Variants in MAGI1 observed in about 807,000 individuals in gnomAD.
MAGI1 encodes the protein membrane-associated guanylate kinase, WW and PDZ domain-containing protein 1.
Under a neutral mutation model 139.9 loss-of-function variants are expected in MAGI1, and 58 were observed. That is an observed-to-expected ratio of 0.41 (90% CI 0.34 to 0.52). The LOEUF is 0.52. Among genes scored for constraint, MAGI1 ranks in the 20% least tolerant of loss-of-function variants. MAGI1 has a pLI of 0.12. For missense variants in MAGI1, 1,874 were observed against 1,901.6 expected, an observed-to-expected ratio of 0.99 and a Z score of 0.27; for synonymous variants, 812 against 737.9, an observed-to-expected ratio of 1.10 and a Z score of -1.63.
chr3:65,526,360 TTTA>T (rs1293832028), intron 2 of MAGI1, among the ~76,000 whole-genome samples: 1 of 152,172 alleles, frequency 6.6e-6, no homozygotes, highest in Non-Finnish European at 1.5e-5. Context: ...TCATTTGAAA[TTTA>T]ACAAAGTCAG....
intron 2 of MAGI1, among the ~76,000 whole-genome samples, chr3:65,614,202 G>A (rs1439861666): frequency 6.6e-6 from 1 of 152,182 alleles, no homozygotes; most frequent in Non-Finnish European, 1.5e-5. Flanking sequence ...CAGGGCATGA[G>A]TCCAAGTGTA....
At chr3:66,007,919 T>TA (rs2067117933) in intron 1 of MAGI1, among the ~76,000 whole-genome samples, 1 of 132,516 alleles carries the variant, frequency 7.5e-6, no homozygotes, top group African/African-American at 2.9e-5. Context: ...TTTTTGGACA[T>TA]AGAGTCTCAC....
intron 2 of MAGI1, among the ~76,000 whole-genome samples, chr3:65,553,372 A>T (rs1035258836): frequency 6.6e-6 from 1 of 152,158 alleles, no homozygotes; most frequent in Non-Finnish European, 1.5e-5. Context: ...TGTAAACAGT[A>T]TTGCCCTAAC....
intron 1 of MAGI1, among the ~76,000 whole-genome samples, chr3:66,012,384 T>C (rs1299196679): frequency 6.6e-6 from 1 of 151,696 alleles, no homozygotes; most frequent in Non-Finnish European, 1.5e-5. Context: ...AATATAAATA[T>C]GAGAAGAGGT....
chr3:66,032,294 C>G (rs1275278270), intron 1 of MAGI1, among the ~76,000 whole-genome samples: 3 of 151,968 alleles, frequency 2.0e-5, no homozygotes, highest in Non-Finnish European at 4.4e-5. Flanking sequence ...TCACTGCAAC[C>G]TCAGCCTCCC....
chr3:65,501,576 A>T (rs948737270), intron 2 of MAGI1, among the ~76,000 whole-genome samples: 1 of 152,266 alleles, frequency 6.6e-6, no homozygotes, highest in South Asian at 2.1e-4. Context: ...AAAAATATGG[A>T]GCAACTAGTA....
chr3:65,865,642 T>G (rs2059699434), intron 1 of MAGI1, among the ~76,000 whole-genome samples: 1 of 152,140 alleles, frequency 6.6e-6, no homozygotes, highest in Admixed American at 6.5e-5. Flanking sequence ...TTTTTTTGTT[T>G]TGTTTTGTTT....
chr3:65,754,522 A>C (rs143671249), intron 1 of MAGI1, among the ~76,000 whole-genome samples: 2 of 152,284 alleles, frequency 1.3e-5, no homozygotes, highest in African/African-American at 4.8e-5. Flanking sequence ...ATCTTATTAG[A>C]TGTATTTCAT....
intron 2 of MAGI1, among the ~76,000 whole-genome samples, chr3:65,509,447 C>G (rs540802990): frequency 1.3e-5 from 2 of 152,238 alleles, no homozygotes; most frequent in South Asian, 4.1e-4. Flanking sequence ...AGTGGGTGCG[C>G]GTACCGTGCG....
intron 13 of MAGI1, among the ~76,000 whole-genome samples, chr3:65,397,411 C>T (rs1281838049): frequency 6.6e-6 from 1 of 152,194 alleles, no homozygotes; most frequent in East Asian, 1.9e-4. Flanking sequence ...GCTACCCTGC[C>T]GACAGCTTGC....
In MAGI1 at chr3:65,356,870, C is replaced by A; in HGVS notation, c.3897G>T (p.Arg1299=). The A allele has an allele frequency of 6.2e-7, 1 of 1,614,112 alleles. No homozygotes were observed. The highest frequency in any genetic ancestry group is 8.5e-7 in the Non-Finnish European group (1 of 1,179,964). ...GCGCGTCCCTCCGTCCCTCCGGCGC[C>A]CGGTCCTTGGGTCGGCATGCCCCGC... ...PDSGACRPKD[R]APEGRRDAQA... is the part of the protein sequence containing the mutation. Residue 1299 remains arginine (R), a synonymous_variant, in exon 23 of 23, where the codon CGG becomes CGT. Transcript: ENST00000402939.
chr3:65,819,875 C>CAAAAAAAAAAAAAAA (rs3077818), intron 1 of MAGI1, among the ~76,000 whole-genome samples: 652 of 33,430 alleles, frequency 0.02, 113 homozygotes, highest in Non-Finnish European at 0.034. Context: ...GACTCCATCT[C>CAAAAAAAAAAAAAAA]AAAAAAAAAA....
At chr3:65,759,338 A>G (rs73832945) in intron 1 of MAGI1, among the ~76,000 whole-genome samples, 2,997 of 152,298 alleles carry the variant, frequency 0.02, 92 homozygotes, top group African/African-American at 0.068. Context: ...CCTTATCTAT[A>G]AAATGGGGAT....
chr3:65,482,176 G>A, intron 3 of MAGI1, among the ~76,000 whole-genome samples: 2 of 152,164 alleles, frequency 1.3e-5, no homozygotes, highest in Non-Finnish European at 2.9e-5. Context: ...CTAACTAACT[G>A]GCTGTGTGAC....
intron 21 of MAGI1, among the ~76,000 whole-genome samples, chr3:65,362,312 A>T (rs1341911370): frequency 6.6e-6 from 1 of 152,226 alleles, no homozygotes; most frequent in Non-Finnish European, 1.5e-5. Context: ...TAACTTTTTA[A>T]AGAGATTAAA....
At chr3:65,866,452 G>A (rs1340286481) in intron 1 of MAGI1, among the ~76,000 whole-genome samples, 1 of 151,810 alleles carries the variant, frequency 6.6e-6, no homozygotes. Context: ...ATCCTAGGCT[G>A]GGATTCAGAA....
At chr3:65,530,624 G>GTGTGT (rs1204700107) in intron 2 of MAGI1, among the ~76,000 whole-genome samples, 1 of 129,274 alleles carries the variant, frequency 7.7e-6, no homozygotes, top group African/African-American at 3.2e-5. Context: ...ATGTGTGTGT[G>GTGTGT]GTGTGTGTGT....
intron 1 of MAGI1, among the ~76,000 whole-genome samples, chr3:65,939,472 T>C (rs1004079379): frequency 6.6e-6 from 1 of 152,198 alleles, no homozygotes; most frequent in Non-Finnish European, 1.5e-5. Flanking sequence ...AAATTACTCA[T>C]AAACAAACTG....
In MAGI1 at chr3:65,703,649, T is replaced by C. The variant is rs142017983; in HGVS notation, c.314-81561A>G. Among the ~76,000 whole-genome samples the C allele has an allele frequency of 7.9e-5, 12 of 152,270 alleles. No homozygotes were observed. The East Asian group carries it at 1.7e-3, about 22-fold the overall frequency. On this transcript the variant is annotated intron_variant, in intron 1 of 22. Coordinates refer to ENST00000402939, the MANE Select transcript of MAGI1 (RefSeq NM_001033057.2). ...CAAAACTCACCTAAGGTCACACTAA[T>C]AGAAAGTGGCAGGCTAATTTATAGT... is the stretch of plus-strand genomic sequence containing the variant.
Sources: gnomAD v4.1 joint callset for allele counts (sites outside exome capture counted in the v4.1 genomes callset) on GRCh38, gnomAD v4.1.1 for gene constraint, MANE v1.5 for transcripts, NCBI Gene and HGNC (gene_info 2026-07-23, HGNC 2026-07-21) for gene names.